Variants in IPO11 observed in about 807,000 individuals in gnomAD.
IPO11 encodes importin 11.
In IPO11, 66 loss-of-function variants were observed where a neutral mutation model predicts 143.2. The observed-to-expected ratio is 0.46, with a 90% CI of 0.38 to 0.57. IPO11 has a LOEUF of 0.57. Among genes scored for constraint, IPO11 ranks in the 20% least tolerant of loss-of-function variants. IPO11 has a pLI of 0.00. For missense variants in IPO11, 1,026 were observed against 1,141.0 expected (o/e 0.90, Z 1.45); for synonymous variants, 385 against 377.8 (o/e 1.02, Z -0.22).
intron 24 of IPO11, among the ~76,000 whole-genome samples, chr5:62,547,437 G>C (rs1358812377): frequency 1.3e-5 from 2 of 152,072 alleles, no homozygotes; most frequent in African/African-American, 4.8e-5. Context: ...TAGAAGCAGT[G>C]AAAGACTTTT....
At chr5:62,509,471 T>G (rs1741673534) in intron 19 of IPO11, among the ~76,000 whole-genome samples, 1 of 152,200 alleles carries the variant, frequency 6.6e-6, no homozygotes, top group Non-Finnish European at 1.5e-5. Context: ...ATACTCAAAG[T>G]GCTTCCCCCA....
chr5:62,598,386 TGC>T (rs560972315), intron 28 of IPO11, among the ~76,000 whole-genome samples: 2,134 of 9,146 alleles, frequency 0.23, 325 homozygotes, highest in Middle Eastern at 0.32. Context: ...TTTGCTTGCT[TGC>T]TTGCTTTCTT....
At chr5:62,504,799 G>T in intron 17 of IPO11, 59 bp from the exon 18 acceptor site, 1 of 1,341,132 alleles carries the variant, frequency 7.5e-7, no homozygotes, top group Non-Finnish European at 1.0e-6. Context: ...ACTTGTTTTA[G>T]ATACAGATTT....
Position 62,483,473 on chromosome 5 carries a change from A to G in IPO11, c.1021+180A>G, listed in dbSNP as rs538437493. 4.1e-5 allele frequency: 20 copies of G among 484,456 alleles called. No individual in the cohort carries two copies. In the East Asian group the frequency reaches 6.7e-4, roughly 16 times the overall value. The allele number at this position is 484,456 out of a possible 1,614,324, so 30.0% of individuals were successfully genotyped here. A position where few individuals can be genotyped will look rare whatever the true frequency, so the allele number is the denominator to read the frequency against. ...GTTTATACTAGCTTTTAAAAACAAC[A>G]TAGTGCATTTAATAAGCCATTTTTT... On this transcript the variant is annotated intron_variant, in intron 10 of 29. Transcript: ENST00000325324.
At chr5:62,546,701 A>G (rs1743208317) in intron 24 of IPO11, among the ~76,000 whole-genome samples, 1 of 152,250 alleles carries the variant, frequency 6.6e-6, no homozygotes, top group South Asian at 2.1e-4. Context: ...AATGTTGTCA[A>G]AAAACAATTA....
intron 1 of IPO11, chr5:62,418,810 A>G (rs969115509): frequency 2.1e-6 from 1 of 487,026 alleles, no homozygotes. Flanking sequence ...GTTAATATAG[A>G]TAACTAGGTC....
chr5:62,598,434 CT>C (rs1745334346), intron 28 of IPO11, among the ~76,000 whole-genome samples: 1 of 2,306 alleles, frequency 4.3e-4, no homozygotes, highest in African/African-American at 5.4e-3. Context: ...CTTTCTTTCT[CT>C]CTCTCTCTCT....
chr5:62,550,294 T>G, intron 24 of IPO11, 73 bp from the exon 25 acceptor site: 2 of 1,134,318 alleles, frequency 1.8e-6, no homozygotes, highest in Admixed American at 3.7e-5. Context: ...TTTAGTACAT[T>G]GTTTCCTTAC....
At chr5:62,429,154 C>T (rs1184474300) in intron 1 of IPO11, among the ~76,000 whole-genome samples, 1 of 152,156 alleles carries the variant, frequency 6.6e-6, no homozygotes, top group Non-Finnish European at 1.5e-5. Flanking sequence ...TTCCAAATAG[C>T]AGTTGCTCCA....
chr5:62,513,722 G>A (rs1259485140), intron 19 of IPO11, among the ~76,000 whole-genome samples: 7 of 149,574 alleles, frequency 4.7e-5, no homozygotes, highest in Admixed American at 2.0e-4. Flanking sequence ...GCGGCTGGCC[G>A]GGTGGGGGGC....
At chr5:62,614,949 C>T (rs1306851879) in intron 29 of IPO11, among the ~76,000 whole-genome samples, 1 of 152,128 alleles carries the variant, frequency 6.6e-6, no homozygotes, top group Non-Finnish European at 1.5e-5. Context: ...TTTCCCTAGA[C>T]TTTAGCCATC....
intron 24 of IPO11, among the ~76,000 whole-genome samples, chr5:62,539,896 A>T (rs1041236033): frequency 1.3e-5 from 2 of 152,234 alleles, no homozygotes; most frequent in African/African-American, 4.8e-5. Context: ...GTAAGGAATT[A>T]ATACGTTGGA....
At chr5:62,461,198 A>G (rs1745345670) in intron 5 of IPO11, among the ~76,000 whole-genome samples, 1 of 152,086 alleles carries the variant, frequency 6.6e-6, no homozygotes, top group South Asian at 2.1e-4. Context: ...GTGGGAATTT[A>G]TTGCCAAGGA....
At chr5:62,532,511 C>A in intron 22 of IPO11, among the ~76,000 whole-genome samples, 1 of 152,128 alleles carries the variant, frequency 6.6e-6, no homozygotes, top group East Asian at 1.9e-4. Context: ...GCATGTGCCA[C>A]CATGCCCAGC....
At chr5:62,566,854 G>A (rs777771130) in intron 27 of IPO11, among the ~76,000 whole-genome samples, 3 of 151,452 alleles carry the variant, frequency 2.0e-5, no homozygotes, top group East Asian at 1.9e-4. Flanking sequence ...ATATATATAT[G>A]TGTGTGTATA....
Position 62,551,273 on chromosome 5 carries a change from A to C in IPO11, c.2397A>C (p.Leu799=), listed in dbSNP as rs79352151. Residue 799 remains leucine, a synonymous_variant, in exon 26 of 30, where the codon CTA becomes CTC. Transcript: ENST00000325324. ...ATCTTGGAGTTATGGGTCGAGTTCT[A>C]CTACAAAACACTAGTTTTTTTTCTT... The part of the protein sequence containing the change: ...STYLGVMGRV[L]LQNTSFFSSL... 2,102 of 1,610,876 alleles carry C rather than the reference A, an allele frequency of 1.3e-3. 29 individuals carry two copies. The African/African-American group carries it at 0.025, about 19-fold the overall frequency.
intron 5 of IPO11, 88 bp from the exon 6 acceptor site, chr5:62,467,043 T>C: frequency 7.9e-7 from 1 of 1,259,702 alleles, no homozygotes; most frequent in Non-Finnish European, 1.1e-6. Flanking sequence ...TGCTTAGTTG[T>C]AAAACTAAAA....
intron 19 of IPO11, among the ~76,000 whole-genome samples, chr5:62,511,665 A>G (rs1741751223): frequency 6.6e-6 from 1 of 152,174 alleles, no homozygotes; most frequent in South Asian, 2.1e-4. Flanking sequence ...CCTTTCTGGG[A>G]ACATTTTAAA....
Position 62,476,529 on chromosome 5 carries a change from A to T in IPO11, c.758-154A>T, listed in dbSNP as rs557115099. ...GGCACAGAGGGCTACTGTGTCTGTT[A>T]CTCAGTGTAAATCTTGGTATTGCTT... On this transcript the variant is annotated intron_variant, in intron 8 of 29. Transcript: ENST00000325324. 3.9e-5 allele frequency among the ~76,000 whole-genome samples: 6 copies of T among 152,290 alleles called. No homozygotes were observed. The East Asian group carries it at 1.2e-3, about 29-fold the overall frequency.
Sources: allele counts gnomAD v4.1 joint callset (sites outside exome capture counted in the v4.1 genomes callset), GRCh38; gene constraint gnomAD v4.1.1; transcripts MANE v1.5; gene names NCBI Gene and HGNC (gene_info 2026-07-23, HGNC 2026-07-21).